The following POLR3B variants were observed in gnomAD, a reference collection of about 807,000 sequenced individuals.
The protein encoded by POLR3B is RNA polymerase III subunit B.
In POLR3B, 96 loss-of-function variants were observed where a neutral mutation model predicts 147.4. The observed-to-expected ratio is 0.65, with a 90% confidence interval of 0.55 to 0.77. The LOEUF (loss-of-function observed/expected upper bound fraction) is 0.77. Among genes scored for constraint, POLR3B ranks in the 30% least tolerant of loss-of-function variants. The pLI is 0.00. For missense variants in POLR3B, 1,036 were observed against 1,413.5 expected (o/e 0.73, Z 4.28); for synonymous variants, 461 against 485.9 (o/e 0.95, Z 0.67).
At chr12:106,457,529 T>C (rs2037880165) in intron 21 of POLR3B, among the ~76,000 whole-genome samples, 1 of 152,220 alleles carries the variant, frequency 6.6e-6, no homozygotes, top group South Asian at 2.1e-4. Context: ...AGTTATAATT[T>C]TGAATAATAG....
At chr12:106,373,186 T>G (rs748870920) in intron 6 of POLR3B, among the ~76,000 whole-genome samples, 8 of 152,258 alleles carry the variant, frequency 5.3e-5, no homozygotes, top group Non-Finnish European at 1.2e-4. Flanking sequence ...ACAATAGGTA[T>G]GTTAAAATCT....
At chr12:106,422,790 T>G (rs2037388933) in intron 12 of POLR3B, among the ~76,000 whole-genome samples, 1 of 152,158 alleles carries the variant, frequency 6.6e-6, no homozygotes, top group African/African-American at 2.4e-5. Flanking sequence ...TATTTCAGGG[T>G]CTTAGCTTTT....
chr12:106,411,416 G>A (rs1046827996), intron 12 of POLR3B, among the ~76,000 whole-genome samples: 1 of 152,226 alleles, frequency 6.6e-6, no homozygotes, highest in African/African-American at 2.4e-5. Context: ...GGGATTACAG[G>A]CGTGAGCCAC....
chr12:106,380,844 C>G (rs1466320083), intron 9 of POLR3B, among the ~76,000 whole-genome samples: 1 of 152,204 alleles, frequency 6.6e-6, no homozygotes, highest in Non-Finnish European at 1.5e-5. Context: ...ATAGTCTTCT[C>G]AGATACAGGC....
At chr12:106,432,039 T>C (rs962567843) in intron 14 of POLR3B, among the ~76,000 whole-genome samples, 6 of 152,130 alleles carry the variant, frequency 3.9e-5, no homozygotes, top group African/African-American at 1.2e-4. Flanking sequence ...TTGTTGGGCA[T>C]TTATGATGTC....
chr12:106,486,864 T>G (rs2038348545), intron 23 of POLR3B, among the ~76,000 whole-genome samples: 1 of 152,182 alleles, frequency 6.6e-6, no homozygotes, highest in South Asian at 2.1e-4. Flanking sequence ...TTCAAACAGA[T>G]GTAAAAGGAA....
At chr12:106,394,828 G>A (rs184871608) in intron 10 of POLR3B, among the ~76,000 whole-genome samples, 33 of 152,244 alleles carry the variant, frequency 2.2e-4, no homozygotes, top group Non-Finnish European at 4.4e-4. Flanking sequence ...GACAGTGCTC[G>A]TACTCTGTGT....
In POLR3B at chr12:106,432,369, A is replaced by C; in HGVS notation, c.1516A>C (p.Met506Leu). ...LALMTHITTD[M>L]EDGPIVKLAS... is the part of the protein sequence containing the mutation. ...CCTTATGACACACATCACAACTGATATGGAAGATGGACCCATTGTTAAATT... is the reference window on the plus strand; with the variant it reads ...CCTTATGACACACATCACAACTGATCTGGAAGATGGACCCATTGTTAAATT... Residue 506 changes from methionine (M) to leucine (L), a missense_variant, in exon 15 of 28, where the codon ATG (methionine) becomes CTG (leucine). By Grantham distance (15) the Met-to-Leu change is conservative. This residue lies in a region of POLR3B where 177 missense variants were observed against 232.7 expected (regional missense o/e 0.76). Transcript: ENST00000228347. 3 of 1,613,788 alleles carry C rather than the reference A, an allele frequency of 1.9e-6. No homozygotes were observed. Among genetic ancestry groups the C allele is most frequent in the Non-Finnish European group, 2.5e-6 (3 of 1,179,682 alleles).
intron 2 of POLR3B, 29 bp downstream of exon 2, chr12:106,363,931 G>T: frequency 6.6e-7 from 1 of 1,525,758 alleles, no homozygotes; most frequent in Non-Finnish European, 9.0e-7. Flanking sequence ...ATAATAATTG[G>T]TTATTTTTCA....
At chr12:106,492,645 C>T (rs986839602) in intron 23 of POLR3B, among the ~76,000 whole-genome samples, 6 of 152,106 alleles carry the variant, frequency 3.9e-5, no homozygotes, top group African/African-American at 1.4e-4. Flanking sequence ...TTCTGTGAAG[C>T]CTTGGAAATA....
chr12:106,466,856 C>CT (rs1306411431), intron 23 of POLR3B, among the ~76,000 whole-genome samples: 1 of 152,038 alleles, frequency 6.6e-6, no homozygotes, highest in African/African-American at 2.4e-5. Context: ...TTACTGTGGC[C>CT]TTGTAGTATA....
chr12:106,365,251 G>A (rs1190601077), intron 2 of POLR3B, among the ~76,000 whole-genome samples: 1 of 152,128 alleles, frequency 6.6e-6, no homozygotes, highest in African/African-American at 2.4e-5. Context: ...GGAGTTGTCA[G>A]GGCCAGTTTC....
At chr12:106,367,293 G>T (rs1463851500) in intron 4 of POLR3B, among the ~76,000 whole-genome samples, 1 of 152,134 alleles carries the variant, frequency 6.6e-6, no homozygotes, top group East Asian at 1.9e-4. Context: ...GTAGTACAAA[G>T]AATTCTTCAA....
At chr12:106,364,231 TAAGCCTGA>T (rs748997890) in intron 2 of POLR3B, among the ~76,000 whole-genome samples, 12 of 152,354 alleles carry the variant, frequency 7.9e-5, no homozygotes, top group Non-Finnish European at 1.6e-4. Context: ...GAAGAAGGTT[TAAGCCTGA>T]AAGCTGGGTG....
intron 26 of POLR3B, among the ~76,000 whole-genome samples, chr12:106,503,858 C>A (rs1329043401): frequency 6.6e-6 from 1 of 152,108 alleles, no homozygotes; most frequent in Non-Finnish European, 1.5e-5. Context: ...CCATAACAAC[C>A]ATCAATATTA....
rs775888994 is a variant in POLR3B, at chr12:106,357,842, C to A, written c.-38C>A. ...TTGCTTGGTGCAGGGAAGGCGGGCG[C>A]GGAGGTTCTATCTGTTTCTTCCTCC... On this transcript the variant is annotated 5_prime_UTR_variant, in exon 1 of 28. Transcript: ENST00000228347. The A allele has an allele frequency of 1.9e-6, 3 of 1,598,980 alleles. No homozygotes were observed. The South Asian group carries it at 3.4e-5, about 18-fold the overall frequency.
chr12:106,467,373 A>G (rs1013882738), intron 23 of POLR3B, among the ~76,000 whole-genome samples: 13 of 152,176 alleles, frequency 8.5e-5, no homozygotes, highest in African/African-American at 3.1e-4. Flanking sequence ...GGGGTTTTCT[A>G]AATACACAAT....
intron 25 of POLR3B, among the ~76,000 whole-genome samples, chr12:106,499,037 C>A (rs1174858358): frequency 6.6e-6 from 1 of 152,100 alleles, no homozygotes; most frequent in African/African-American, 2.4e-5. Context: ...TAAAAATTGC[C>A]TATTAAAACT....
chr12:106,478,706 T>TA (rs1337502259), intron 23 of POLR3B, among the ~76,000 whole-genome samples: 1 of 152,148 alleles, frequency 6.6e-6, no homozygotes, highest in Non-Finnish European at 1.5e-5. Context: ...TAACTGGACA[T>TA]AATTTTTATT....
Sources: gnomAD v4.1 joint callset for allele counts (sites outside exome capture counted in the v4.1 genomes callset) on GRCh38, gnomAD v4.1.1 for gene constraint, gnomAD v4.1.1 regional missense constraint, MANE v1.5 for transcripts, NCBI Gene and HGNC (gene_info 2026-07-23, HGNC 2026-07-21) for gene names.